Variants in ARHGAP15 observed in about 807,000 individuals in gnomAD.
The protein encoded by ARHGAP15 is rho GTPase-activating protein 15.
In ARHGAP15, 51 loss-of-function variants were observed where a neutral mutation model predicts 63.7. The ratio of observed to expected loss-of-function variants is 0.80; its 90% CI spans 0.64 to 1.01. The LOEUF (loss-of-function observed/expected upper bound fraction) is 1.01, where lower values mean the gene tolerates loss of function less well. ARHGAP15 is among the 50% of genes least tolerant of loss of function. The pLI is 0.00. For synonymous variants in ARHGAP15, 191 were observed against 193.8 expected (o/e 0.99, Z 0.12); for missense variants, 560 against 564.6 (o/e 0.99, Z 0.08).
intron 6 of ARHGAP15, among the ~76,000 whole-genome samples, chr2:143,320,714 A>C (rs755334893): frequency 7.2e-5 from 11 of 152,094 alleles, no homozygotes; most frequent in Non-Finnish European, 1.5e-4. Flanking sequence ...AAATAGGGTA[A>C]CTGCATGTTC....
chr2:143,342,008 G>A (rs968024173), intron 6 of ARHGAP15, among the ~76,000 whole-genome samples: 1 of 152,022 alleles, frequency 6.6e-6, no homozygotes, highest in African/African-American at 2.4e-5. Context: ...TTTGTATTTA[G>A]CTTATCCAAT....
rs144642617 is a variant in ARHGAP15 at position 143,728,496 on chromosome 2, G to A, written c.1244+24972G>A. ...ATATTCACATCCAAGCTGTTGACAT[G>A]CCCCGTACCAATGATGTATTTATTT... On this transcript the variant is annotated intron_variant, in intron 13 of 13. Coordinates refer to ENST00000295095, the MANE Select transcript of ARHGAP15 (RefSeq NM_018460.4). Among the ~76,000 whole-genome samples, 3 of 152,228 alleles carry A rather than the reference G, an allele frequency of 2.0e-5. No individual in the cohort carries two copies. In the East Asian group the frequency reaches 5.8e-4, roughly 29 times the overall value.
intron 6 of ARHGAP15, among the ~76,000 whole-genome samples, chr2:143,415,116 G>A (rs1182414787): frequency 6.6e-6 from 1 of 152,088 alleles, no homozygotes; most frequent in Non-Finnish European, 1.5e-5. Flanking sequence ...TATTCAGAGT[G>A]CAAGTATCTC....
intron 13 of ARHGAP15, 174 bp downstream of exon 13, chr2:143,703,698 C>A: frequency 1.9e-6 from 1 of 512,902 alleles, no homozygotes; most frequent in East Asian, 3.3e-5. Context: ...ATAGGAAGGA[C>A]AATCTACAAA....
chr2:143,190,713 G>A (rs1184766986), intron 2 of ARHGAP15, among the ~76,000 whole-genome samples: 1 of 152,136 alleles, frequency 6.6e-6, no homozygotes, highest in African/African-American at 2.4e-5. Context: ...ATATCTTCAT[G>A]GTACCAGGCA....
intron 2 of ARHGAP15, among the ~76,000 whole-genome samples, chr2:143,197,754 A>T (rs939237991): frequency 6.6e-6 from 1 of 152,034 alleles, no homozygotes; most frequent in African/African-American, 2.4e-5. Context: ...AAAATGATAG[A>T]TTGGCTAGTT....
chr2:143,477,214 A>G (rs982118027), intron 8 of ARHGAP15, among the ~76,000 whole-genome samples: 15 of 124,246 alleles, frequency 1.2e-4, no homozygotes, highest in South Asian at 4.9e-4. Flanking sequence ...ACACTCGCGC[A>G]CACACACACA....
Position 143,549,838 on chromosome 2 carries a change from A to G in ARHGAP15, c.926-6570A>G, listed in dbSNP as rs374746522. Among the ~76,000 whole-genome samples, 9 of 152,274 alleles carry G rather than the reference A, an allele frequency of 5.9e-5. 1 individual carries two copies. The highest frequency in any genetic ancestry group is 2.2e-4 in the African/African-American group (9 of 41,570). ...GATAACTGGGGAGAACCCCTGGCCT[A>G]TTGTCTACTCACCACCCATTTATCC... On this transcript the variant is annotated intron_variant, in intron 10 of 13. Coordinates refer to ENST00000295095, the MANE Select transcript of ARHGAP15 (RefSeq NM_018460.4).
chr2:143,190,635 T>C (rs924797785), intron 2 of ARHGAP15, among the ~76,000 whole-genome samples: 1 of 152,186 alleles, frequency 6.6e-6, no homozygotes, highest in African/African-American at 2.4e-5. Flanking sequence ...AGCTGACTAT[T>C]TGCAATGGGT....
At chr2:143,372,330 T>C (rs375006382) in intron 6 of ARHGAP15, among the ~76,000 whole-genome samples, 5 of 45,332 alleles carry the variant, frequency 1.1e-4, no homozygotes, top group African/African-American at 4.3e-4. Context: ...CGACAAAAAA[T>C]AAAATGGAGT....
chr2:143,521,255 A>G (rs1694052586), intron 10 of ARHGAP15, among the ~76,000 whole-genome samples: 1 of 152,234 alleles, frequency 6.6e-6, no homozygotes, highest in African/African-American at 2.4e-5. Context: ...GCATCAGCTT[A>G]AAGGAACCCT....
At chr2:143,565,013 C>A (rs1390301261) in intron 11 of ARHGAP15, among the ~76,000 whole-genome samples, 1 of 151,958 alleles carries the variant, frequency 6.6e-6, no homozygotes, top group African/African-American at 2.4e-5. Flanking sequence ...AATCTCTGAC[C>A]CTCATAAAAG....
chr2:143,749,711 CATT>C (rs763592034), intron 13 of ARHGAP15, among the ~76,000 whole-genome samples: 81 of 152,248 alleles, frequency 5.3e-4, no homozygotes, highest in Non-Finnish European at 1.1e-3. Flanking sequence ...AATCATAACA[CATT>C]ATATTTATAT....
chr2:143,708,808 CAG>C (rs1684446106), intron 13 of ARHGAP15, among the ~76,000 whole-genome samples: 1 of 152,122 alleles, frequency 6.6e-6, no homozygotes, highest in Admixed American at 6.6e-5. Flanking sequence ...TATAACTTCT[CAG>C]AGTGATTTTC....
intron 10 of ARHGAP15, among the ~76,000 whole-genome samples, chr2:143,540,450 G>C (rs988690234): frequency 6.6e-6 from 1 of 152,108 alleles, no homozygotes; most frequent in Non-Finnish European, 1.5e-5. Context: ...CTTGTTAGTT[G>C]ATGCAGTTTC....
At chr2:143,317,923 C>T (rs1412166714) in intron 6 of ARHGAP15, among the ~76,000 whole-genome samples, 2 of 151,178 alleles carry the variant, frequency 1.3e-5, no homozygotes, top group Non-Finnish European at 2.9e-5. Flanking sequence ...ATATTACTTG[C>T]ATAGGGTTTT....
intron 6 of ARHGAP15, among the ~76,000 whole-genome samples, chr2:143,426,731 G>A (rs1398024626): frequency 1.3e-5 from 2 of 152,148 alleles, no homozygotes; most frequent in Non-Finnish European, 2.9e-5. Context: ...AGATCACAGA[G>A]AATCTATGTT....
chr2:143,453,952 A>G (rs1435030560), intron 8 of ARHGAP15, among the ~76,000 whole-genome samples: 1 of 152,062 alleles, frequency 6.6e-6, no homozygotes, highest in Admixed American at 6.6e-5. Flanking sequence ...TCATATTGAG[A>G]GGGTTAAACT....
intron 10 of ARHGAP15, among the ~76,000 whole-genome samples, chr2:143,537,465 T>C (rs1049990127): frequency 2.0e-4 from 31 of 152,328 alleles, no homozygotes; most frequent in African/African-American, 7.2e-4. Flanking sequence ...TGCTTATGTC[T>C]TGAATGGTAT....
Sources: gnomAD v4.1 joint callset for allele counts (sites outside exome capture counted in the v4.1 genomes callset) on GRCh38, gnomAD v4.1.1 for gene constraint, MANE v1.5 for transcripts, NCBI Gene and HGNC (gene_info 2026-07-23, HGNC 2026-07-21) for gene names.